Variants in CERK observed in about 807,000 individuals in gnomAD.
CERK encodes acylsphingosine kinase.
CERK carries 39 observed loss-of-function variants against 63.4 expected under a neutral mutation model. That is an observed-to-expected ratio of 0.61 (90% CI 0.48 to 0.80). The LOEUF (loss-of-function observed/expected upper bound fraction) is 0.80. Ranked by LOEUF, CERK falls within the 30% of genes least tolerant of loss-of-function variation. The pLI is 0.00. For missense variants in CERK, 670 were observed against 714.1 expected, an observed-to-expected ratio of 0.94 and a Z score of 0.70; for synonymous variants, 302 against 280.0, an observed-to-expected ratio of 1.08 and a Z score of -0.78.
chr22:46,702,847 A>G (rs933566071), intron 6 of CERK, among the ~76,000 whole-genome samples: 5 of 152,234 alleles, frequency 3.3e-5, no homozygotes, highest in African/African-American at 4.8e-5. Context: ...ATTTGCATCC[A>G]CAATGACCAC....
chr22:46,704,402 A>G (rs1317066341), intron 6 of CERK, among the ~76,000 whole-genome samples: 1 of 152,264 alleles, frequency 6.6e-6, no homozygotes, highest in Non-Finnish European at 1.5e-5. Context: ...GAGAATGCAG[A>G]AAAACAGAAT....
At chr22:46,696,460 A>C (rs1027218228) in intron 8 of CERK, among the ~76,000 whole-genome samples, 2 of 152,134 alleles carry the variant, frequency 1.3e-5, no homozygotes, top group African/African-American at 4.8e-5. Flanking sequence ...TCTCAAGTGC[A>C]GGGGGCAGGG....
At chr22:46,710,898 A>G (rs983864132) in intron 5 of CERK, among the ~76,000 whole-genome samples, 188 bp downstream of exon 5, 3 of 152,230 alleles carry the variant, frequency 2.0e-5, no homozygotes, top group Non-Finnish European at 4.4e-5. Context: ...CCAGCCAGAG[A>G]GGAGTGTGTG....
chr22:46,727,733 C>T (rs2146591045), intron 1 of CERK, among the ~76,000 whole-genome samples: 1 of 152,244 alleles, frequency 6.6e-6, no homozygotes, highest in African/African-American at 2.4e-5. Flanking sequence ...CAGGCAGGGG[C>T]CTGGTCAGCA....
intron 1 of CERK, among the ~76,000 whole-genome samples, chr22:46,724,985 C>T (rs935240477): frequency 3.3e-5 from 5 of 151,890 alleles, no homozygotes; most frequent in Non-Finnish European, 5.9e-5. Context: ...TGCGCCACTG[C>T]ACTCCAGCCT....
intron 1 of CERK, among the ~76,000 whole-genome samples, chr22:46,731,356 C>T (rs928981741): frequency 2.0e-5 from 3 of 152,228 alleles, no homozygotes; most frequent in African/African-American, 7.2e-5. Context: ...CCACCCCCCG[C>T]CAAGGTGGCC....
At chr22:46,733,639 A>T (rs920670679) in intron 1 of CERK, among the ~76,000 whole-genome samples, 2 of 152,058 alleles carry the variant, frequency 1.3e-5, no homozygotes, top group African/African-American at 4.8e-5. Flanking sequence ...AAGAAATTTT[A>T]AAATTATTTC....
intron 1 of CERK, among the ~76,000 whole-genome samples, chr22:46,737,223 G>A (rs2082978083): frequency 6.6e-6 from 1 of 151,688 alleles, no homozygotes; most frequent in Non-Finnish European, 1.5e-5. Flanking sequence ...AACCCAGGAG[G>A]CGGAGGTGCA....
chr22:46,713,520 A>AC (rs1208939803), intron 3 of CERK, among the ~76,000 whole-genome samples: 5 of 150,908 alleles, frequency 3.3e-5, no homozygotes, highest in East Asian at 2.0e-4. Context: ...AAAAAAAAAA[A>AC]AAAAAAAAAC....
At chr22:46,729,467 G>A (rs1396527108) in intron 1 of CERK, among the ~76,000 whole-genome samples, 1 of 152,006 alleles carries the variant, frequency 6.6e-6, no homozygotes, top group Non-Finnish European at 1.5e-5. Context: ...GGAGTACAGT[G>A]GTACAATCAT....
At chr22:46,733,900 G>A (rs1471251087) in intron 1 of CERK, among the ~76,000 whole-genome samples, 1 of 151,864 alleles carries the variant, frequency 6.6e-6, no homozygotes, top group African/African-American at 2.4e-5. Flanking sequence ...AAATTAGCTG[G>A]TGGCAGGTGC....
chr22:46,688,508 C>T (rs1268893925), intron 12 of CERK, among the ~76,000 whole-genome samples: 7 of 152,214 alleles, frequency 4.6e-5, no homozygotes, highest in South Asian at 2.1e-4. Flanking sequence ...CCATCACCAC[C>T]GCCCTGACAG....
At chr22:46,731,199 C>T (rs542539075) in intron 1 of CERK, among the ~76,000 whole-genome samples, 37 of 152,366 alleles carry the variant, frequency 2.4e-4, no homozygotes, top group Admixed American at 8.5e-4. Context: ...CCTGCACTGG[C>T]GAGGTGCCCC....
chr22:46,697,180 G>C (rs374505782), intron 8 of CERK, among the ~76,000 whole-genome samples: 70 of 152,286 alleles, frequency 4.6e-4, no homozygotes, highest in African/African-American at 1.7e-3. Context: ...TAAGATTTTA[G>C]TATCAGGAAT....
chr22:46,689,601 T>A (rs2082719968), intron 12 of CERK, among the ~76,000 whole-genome samples: 1 of 152,170 alleles, frequency 6.6e-6, no homozygotes, highest in African/African-American at 2.4e-5. Flanking sequence ...CTTGAACTCC[T>A]GATCTCAAGT....
At chr22:46,693,774 G>T in intron 9 of CERK, 1 of 411,160 alleles carries the variant, frequency 2.4e-6, no homozygotes, top group Non-Finnish European at 4.6e-6. Flanking sequence ...GACGGTTTCT[G>T]CCTGGCCCTC....
At chr22:46,697,167 G>T (rs1489239104) in intron 8 of CERK, among the ~76,000 whole-genome samples, 1 of 152,092 alleles carries the variant, frequency 6.6e-6, no homozygotes, top group Non-Finnish European at 1.5e-5. Flanking sequence ...CTCTCATAAG[G>T]GTTAAGATTT....
At chr22:46,691,412 AGTTGT>A (rs1339856434) in intron 11 of CERK, among the ~76,000 whole-genome samples, 155 bp downstream of exon 11, 1 of 152,170 alleles carries the variant, frequency 6.6e-6, no homozygotes, top group Non-Finnish European at 1.5e-5. Flanking sequence ...TACAAGGAGT[AGTTGT>A]AACCAGGAGT....
intron 6 of CERK, among the ~76,000 whole-genome samples, chr22:46,707,423 T>A (rs536051342): frequency 2.0e-5 from 3 of 152,234 alleles, no homozygotes; most frequent in African/African-American, 7.2e-5. Context: ...CGCCCCCACC[T>A]TTCCCACTCA....
Sources: gnomAD v4.1 joint callset for allele counts (sites outside exome capture counted in the v4.1 genomes callset) on GRCh38, gnomAD v4.1.1 for gene constraint, MANE v1.5 for transcripts, NCBI Gene and HGNC (gene_info 2026-07-23, HGNC 2026-07-21) for gene names.